The following RANBP9 variants were observed in gnomAD, a reference collection of about 807,000 sequenced individuals.
RANBP9 encodes the protein ran-binding protein 9.
RANBP9 carries 15 observed loss-of-function variants against 84.3 expected under a neutral mutation model. That is an observed-to-expected ratio of 0.18 (90% confidence interval 0.12 to 0.27). The LOEUF is 0.27. RANBP9 is among the 10% of genes least tolerant of loss of function. RANBP9 has a pLI of 1.00. For synonymous variants in RANBP9, 392 were observed against 349.6 expected, an observed-to-expected ratio of 1.12 and a Z score of -1.35; for missense variants, 809 against 912.8, an observed-to-expected ratio of 0.89 and a Z score of 1.46.
In RANBP9 at chr6:13,639,606, G is replaced by C; in HGVS notation, c.1482C>G (p.Ile494Met). Residue 494 changes from isoleucine (I) to methionine (M), a missense_variant, in exon 9 of 14, where the codon ATC becomes ATG. Ile to Met is a conservative substitution (Grantham distance 10). Coordinates refer to ENST00000011619, the MANE Select transcript of RANBP9 (RefSeq NM_005493.3). ...PSMSPSHGMNIHNLASGKGST... is the reference protein window; with the variant it reads ...PSMSPSHGMNMHNLASGKGST... ...TTCCTTTGCCTGATGCTAAATTGTG[G>C]ATATTCATTCCATGGCTGGGGCTCA... 1 of 1,612,516 alleles carries C rather than the reference G, an allele frequency of 6.2e-7. No homozygotes were observed. Among genetic ancestry groups the C allele is most frequent in the Non-Finnish European group, 8.5e-7 (1 of 1,178,548 alleles).
chr6:13,674,808 T>C (rs908058789), intron 2 of RANBP9, among the ~76,000 whole-genome samples: 5 of 152,208 alleles, frequency 3.3e-5, no homozygotes, highest in Non-Finnish European at 7.3e-5. Flanking sequence ...TCTTCTTCTC[T>C]TCTCCTTCCC....
chr6:13,660,058 T>A (rs898280612), intron 2 of RANBP9, among the ~76,000 whole-genome samples: 1 of 152,240 alleles, frequency 6.6e-6, no homozygotes, highest in Non-Finnish European at 1.5e-5. Flanking sequence ...AAGAGGAACA[T>A]TTTAATATTT....
rs1176745135 is a variant in RANBP9 at position 13,711,646 on chromosome 6, G to A, written c.-141C>T. On this transcript the variant is annotated 5_prime_UTR_variant, in exon 1 of 14. Transcript: ENST00000011619. ...AAGCAGGCGGCGGGCCGCGCGCCCAGGGAGACCGCGGCGGTTGAGGAGCTC... is the reference window on the plus strand; with the variant it reads ...AAGCAGGCGGCGGGCCGCGCGCCCAAGGAGACCGCGGCGGTTGAGGAGCTC... 1.4e-6 allele frequency: 1 copy of A among 719,020 alleles called. No homozygotes were observed. The highest frequency in any genetic ancestry group is 1.9e-6 in the Non-Finnish European group (1 of 538,684). The allele number at this position is 719,020 out of a possible 1,614,324, so 44.5% of individuals were successfully genotyped here. A position where few individuals can be genotyped will look rare whatever the true frequency, so the allele number is the denominator to read the frequency against.
intron 2 of RANBP9, among the ~76,000 whole-genome samples, chr6:13,674,896 A>G (rs1765854738): frequency 6.6e-6 from 1 of 152,194 alleles, no homozygotes; most frequent in African/African-American, 2.4e-5. Context: ...ATTCAGTCTC[A>G]TAATGATGGT....
intron 1 of RANBP9, among the ~76,000 whole-genome samples, chr6:13,706,805 C>G (rs1758136242): frequency 6.6e-6 from 1 of 151,874 alleles, no homozygotes. Context: ...AGTTCAAGAC[C>G]AGCCTGGCCA....
chr6:13,681,937 C>T lies in RANBP9; in HGVS notation c.683+14848G>A, dbSNP rs1329344397. Among the ~76,000 whole-genome samples, 3 of 152,188 alleles carry T rather than the reference C, an allele frequency of 2.0e-5. No homozygotes were observed. The South Asian group carries it at 6.2e-4, about 32-fold the overall frequency. Reference sequence around the variant, plus strand: ...GCAGTGAAGCAATCTTGGCTCACTGCAACCTCCACCTCCCAGGCTCAAGCG... The same window carrying T: ...GCAGTGAAGCAATCTTGGCTCACTGTAACCTCCACCTCCCAGGCTCAAGCG... On this transcript the variant is annotated intron_variant, in intron 2 of 13. Coordinates refer to ENST00000011619, the MANE Select transcript of RANBP9 (RefSeq NM_005493.3).
Position 13,710,972 on chromosome 6 carries a change from G to T in RANBP9, c.534C>A (p.Ile178=). The T allele has an allele frequency of 6.2e-7, 1 of 1,610,018 alleles. No homozygotes were observed. The highest frequency in any genetic ancestry group is 8.5e-7 in the Non-Finnish European group (1 of 1,178,370). The change falls in exon 1 of 14, where the codon ATC becomes ATA. Residue 178 remains isoleucine (I), a synonymous_variant. Coordinates refer to ENST00000011619, the MANE Select transcript of RANBP9 (RefSeq NM_005493.3). ...SWSPKDKFSY[I]GLSQNNLRVH... is the part of the protein sequence containing the mutation. ...CCCGCAGGTTGTTCTGAGAGAGGCC[G>T]ATGTAGCTGAACTTGTCCTTCGGGC...
At chr6:13,677,472 T>A (rs910089659) in intron 2 of RANBP9, among the ~76,000 whole-genome samples, 14 of 152,318 alleles carry the variant, frequency 9.2e-5, no homozygotes, top group African/African-American at 2.6e-4. Flanking sequence ...ATCTTTTTTT[T>A]ATCTTACAAG....
At chr6:13,652,094 G>T (rs1765311421) in intron 5 of RANBP9, among the ~76,000 whole-genome samples, 1 of 152,306 alleles carries the variant, frequency 6.6e-6, no homozygotes, top group South Asian at 2.1e-4. Flanking sequence ...GGAGCAACTT[G>T]TACAACCTTG....
chr6:13,655,736 T>C (rs1765383026), intron 4 of RANBP9, among the ~76,000 whole-genome samples: 1 of 152,170 alleles, frequency 6.6e-6, no homozygotes, highest in South Asian at 2.1e-4. Context: ...ATTTTTTGGT[T>C]TTTGAGCCAA....
intron 2 of RANBP9, among the ~76,000 whole-genome samples, chr6:13,675,597 AAAG>A (rs1765869891): frequency 6.6e-6 from 1 of 152,048 alleles, no homozygotes; most frequent in Non-Finnish European, 1.5e-5. Context: ...AAACCTAGAG[AAAG>A]AAGAAGAAAT....
chr6:13,684,335 A>G (rs1304953555), intron 2 of RANBP9, among the ~76,000 whole-genome samples: 2 of 152,150 alleles, frequency 1.3e-5, no homozygotes, highest in South Asian at 2.1e-4. Context: ...AACTCACTAA[A>G]AACAGCAATA....
chr6:13,644,857 T>C (rs1765146031), intron 5 of RANBP9, 128 bp from the exon 6 acceptor site: 1 of 791,632 alleles, frequency 1.3e-6, no homozygotes, highest in African/African-American at 1.8e-5. Context: ...ATCAAAATAT[T>C]AGAAGGCTAA....
At chr6:13,625,002 G>A (rs1764561089) in intron 13 of RANBP9, among the ~76,000 whole-genome samples, 1 of 152,088 alleles carries the variant, frequency 6.6e-6, no homozygotes, top group Non-Finnish European at 1.5e-5. Flanking sequence ...TGGGAACCAG[G>A]TAACAGGGGA....
intron 5 of RANBP9, among the ~76,000 whole-genome samples, chr6:13,648,384 C>T (rs1026191116): frequency 1.2e-4 from 18 of 151,834 alleles, no homozygotes; most frequent in African/African-American, 4.1e-4. Context: ...TTGATCCGCC[C>T]GCCTTGGCCT....
intron 2 of RANBP9, among the ~76,000 whole-genome samples, chr6:13,677,649 C>T (rs541745796): frequency 2.0e-4 from 30 of 150,092 alleles, no homozygotes; most frequent in African/African-American, 6.8e-4. Flanking sequence ...GTCTATAATT[C>T]ACAAGTTACC....
chr6:13,687,999 CAAG>C (rs1377600267), intron 2 of RANBP9, among the ~76,000 whole-genome samples: 2 of 152,198 alleles, frequency 1.3e-5, no homozygotes, highest in Non-Finnish European at 2.9e-5. Context: ...ACAGCAGCAG[CAAG>C]AAGACACGAG....
At chr6:13,625,411 C>CA (rs989171294) in intron 13 of RANBP9, among the ~76,000 whole-genome samples, 1 of 152,176 alleles carries the variant, frequency 6.6e-6, no homozygotes, top group Admixed American at 6.5e-5. Context: ...TACATGCACA[C>CA]AAAAACTTCT....
chr6:13,631,548 T>C (rs1265107706), intron 12 of RANBP9, among the ~76,000 whole-genome samples: 1 of 152,220 alleles, frequency 6.6e-6, no homozygotes, highest in Non-Finnish European at 1.5e-5. Flanking sequence ...GTACTAACTT[T>C]CAGTCCAGGT....
Sources: gnomAD v4.1 joint callset for allele counts (sites outside exome capture counted in the v4.1 genomes callset) on GRCh38, gnomAD v4.1.1 for gene constraint, MANE v1.5 for transcripts, NCBI Gene and HGNC (gene_info 2026-07-23, HGNC 2026-07-21) for gene names.